PCNX2: variants seen among roughly 807,000 people sequenced by gnomAD.
PCNX2 encodes the protein pecanex-like protein 2.
Under a neutral mutation model 223.8 loss-of-function variants are expected in PCNX2, and 168 were observed. The observed-to-expected ratio is 0.75, with a 90% CI of 0.66 to 0.85. The LOEUF is 0.85. Among genes scored for constraint, PCNX2 ranks in the 40% least tolerant of loss-of-function variants. The pLI is 0.00. For synonymous variants in PCNX2, 1,006 were observed against 1,052.6 expected (o/e 0.96, Z 0.86); for missense variants, 2,507 against 2,675.5 (o/e 0.94, Z 1.39).
At chr1:232,998,012 C>T (rs1022081840) in intron 32 of PCNX2, among the ~76,000 whole-genome samples, 1 of 152,146 alleles carries the variant, frequency 6.6e-6, no homozygotes, top group South Asian at 2.1e-4. Flanking sequence ...GACAGGTGGA[C>T]AGACAGATGA....
chr1:233,216,620 T>A (rs1342395755), intron 12 of PCNX2, among the ~76,000 whole-genome samples: 1 of 152,214 alleles, frequency 6.6e-6, no homozygotes, highest in Non-Finnish European at 1.5e-5. Flanking sequence ...ACAGCCATTA[T>A]GGAAAACAGT....
At chr1:233,099,232 C>G (rs1300668716) in intron 21 of PCNX2, among the ~76,000 whole-genome samples, 7 of 152,200 alleles carry the variant, frequency 4.6e-5, no homozygotes, top group Non-Finnish European at 1.0e-4. Context: ...TAGGAAGAAC[C>G]TGCCTGACAT....
At chr1:233,234,835 A>G (rs1658287516) in intron 9 of PCNX2, among the ~76,000 whole-genome samples, 1 of 152,168 alleles carries the variant, frequency 6.6e-6, no homozygotes, top group African/African-American at 2.4e-5. Flanking sequence ...CCCTCAGGAA[A>G]GCCCGTATTC....
chr1:233,054,157 AG>A, intron 25 of PCNX2, 110 bp downstream of exon 25: 1 of 905,386 alleles, frequency 1.1e-6, no homozygotes, highest in Non-Finnish European at 1.7e-6. Flanking sequence ...CACTTTCAGT[AG>A]GAAGACATTA....
intron 28 of PCNX2, among the ~76,000 whole-genome samples, chr1:233,006,882 CAG>C (rs1670304198): frequency 2.0e-5 from 3 of 152,038 alleles, no homozygotes; most frequent in Admixed American, 2.0e-4. Context: ...CAGAAATACT[CAG>C]AGTGTGTGTG....
At chr1:233,076,366 T>C (rs184373354) in intron 23 of PCNX2, among the ~76,000 whole-genome samples, 8 of 152,318 alleles carry the variant, frequency 5.3e-5, no homozygotes, top group Non-Finnish European at 1.0e-4. Flanking sequence ...AAAGAAACTA[T>C]GATCTTTAGC....
rs548252245 is a variant in PCNX2, at chr1:233,033,290, G to T, written c.4352-7891C>A. The stretch of plus-strand genomic sequence containing the variant: ...AAACTTAATCTAAAAGGTATACATA[G>T]TATGAAAGCAAATGAAGAAATTTAA... On this transcript the variant is annotated intron_variant, in intron 25 of 33. Transcript: ENST00000258229. 3 of 760,670 alleles carry T rather than the reference G, an allele frequency of 3.9e-6. No individual in the cohort carries two copies. In the East Asian group the frequency reaches 3.9e-4, roughly 98 times the overall value. 47.1% of individuals were successfully genotyped at this position (760,670 alleles called of 1,614,324 possible).
At chr1:233,270,470 A>T (rs1324574022) in intron 1 of PCNX2, among the ~76,000 whole-genome samples, 2 of 152,102 alleles carry the variant, frequency 1.3e-5, no homozygotes, top group Non-Finnish European at 2.9e-5. Flanking sequence ...ACATACAGGA[A>T]CCTGCCCCCG....
chr1:233,202,817 A>G (rs1021867664), intron 13 of PCNX2, among the ~76,000 whole-genome samples: 1 of 152,214 alleles, frequency 6.6e-6, no homozygotes, highest in African/African-American at 2.4e-5. Context: ...AGCAAAAACA[A>G]AAAAACACAG....
At chr1:233,157,666 A>G (rs561438604) in intron 19 of PCNX2, among the ~76,000 whole-genome samples, 1 of 152,174 alleles carries the variant, frequency 6.6e-6, no homozygotes, top group African/African-American at 2.4e-5. Flanking sequence ...ATGCTGGTGG[A>G]AAAAAAATGA....
intron 10 of PCNX2, among the ~76,000 whole-genome samples, chr1:233,224,578 C>T (rs551417362): frequency 2.0e-5 from 3 of 152,292 alleles, no homozygotes; most frequent in Admixed American, 2.0e-4. Flanking sequence ...TTTTACCCAG[C>T]TTCCCCAATG....
At chr1:233,179,473 G>T (rs1228317351) in intron 15 of PCNX2, among the ~76,000 whole-genome samples, 2 of 152,040 alleles carry the variant, frequency 1.3e-5, no homozygotes, top group African/African-American at 4.8e-5. Flanking sequence ...TTAAACATGT[G>T]TCCCTCCTCT....
chr1:233,091,248 C>T (rs1472542483), intron 22 of PCNX2, among the ~76,000 whole-genome samples: 3 of 152,110 alleles, frequency 2.0e-5, no homozygotes, highest in Admixed American at 6.5e-5. Context: ...GATCTTCCTG[C>T]TGGGAAGTTG....
chr1:233,148,430 C>CT lies in PCNX2; in HGVS notation c.3518-8576dup, dbSNP rs3033312. On this transcript the variant is annotated intron_variant, in intron 19 of 33. Transcript: ENST00000258229. ...ATATTAATTTCACTTTTTTTCTTTT[C>CT]TTTTTTTTTTTTTGTTTTTTGAGAT... Among the ~76,000 whole-genome samples, 783 of 144,084 alleles carry CT rather than the reference C, an allele frequency of 5.4e-3. 1 individual carries two copies. Among genetic ancestry groups the CT allele is most frequent in the East Asian group, 0.013 (64 of 4,932 alleles). The allele number at this position is 144,084 out of a possible 152,430, so 94.5% of individuals were successfully genotyped here.
At chr1:233,186,400 G>A (rs1024442093) in intron 15 of PCNX2, among the ~76,000 whole-genome samples, 2 of 152,066 alleles carry the variant, frequency 1.3e-5, no homozygotes, top group Non-Finnish European at 2.9e-5. Context: ...AGGGAAAGAT[G>A]TGTCACCCAG....
chr1:233,129,482 C>A (rs1571930870), intron 21 of PCNX2, among the ~76,000 whole-genome samples: 1 of 152,260 alleles, frequency 6.6e-6, no homozygotes, highest in African/African-American at 2.4e-5. Context: ...ATCAACCAAT[C>A]GCCCAAGGGC....
intron 1 of PCNX2, among the ~76,000 whole-genome samples, chr1:233,268,900 T>C (rs12127858): frequency 0.099 from 15,073 of 152,158 alleles, 915 homozygotes; most frequent in South Asian, 0.19. Context: ...TCTCAGGAGC[T>C]GGTTGGGCCA....
the PCNX2 span, among the ~76,000 whole-genome samples, chr1:233,322,143 G>A: frequency 2.6e-5 from 4 of 152,044 alleles, no homozygotes; most frequent in African/African-American, 9.7e-5. Flanking sequence ...CTTCTTTCCT[G>A]GACACTAACT....
At chr1:233,273,492 A>G (rs554940970) in intron 1 of PCNX2, among the ~76,000 whole-genome samples, 1 of 152,296 alleles carries the variant, frequency 6.6e-6, no homozygotes, top group African/African-American at 2.4e-5. Flanking sequence ...GGTATGTCTC[A>G]GAATCCTTCT....
Sources: allele counts gnomAD v4.1 joint callset (sites outside exome capture counted in the v4.1 genomes callset), GRCh38; gene constraint gnomAD v4.1.1; transcripts MANE v1.5; gene names NCBI Gene and HGNC (gene_info 2026-07-23, HGNC 2026-07-21).